Variants in COL24A1 observed in about 807,000 individuals in gnomAD.
The protein encoded by COL24A1 is collagen alpha-1(XXIV) chain.
COL24A1 carries 224 observed loss-of-function variants against 253.9 expected under a neutral mutation model. That is an observed-to-expected ratio of 0.88 (90% CI 0.79 to 0.99). COL24A1 has a LOEUF of 0.99. Among genes scored for constraint, COL24A1 ranks in the 50% least tolerant of loss-of-function variants. The pLI is 0.00. For missense variants in COL24A1, 2,131 were observed against 2,068.5 expected, an observed-to-expected ratio of 1.03 and a Z score of -0.59; for synonymous variants, 685 against 673.7, an observed-to-expected ratio of 1.02 and a Z score of -0.26.
intron 19 of COL24A1, among the ~76,000 whole-genome samples, chr1:86,012,276 G>A (rs1696568619): frequency 6.6e-6 from 1 of 152,034 alleles, no homozygotes; most frequent in Admixed American, 6.6e-5. Context: ...GCTTAGATAA[G>A]TAAAATAATC....
intron 12 of COL24A1, among the ~76,000 whole-genome samples, chr1:86,043,956 T>G (rs534968881): frequency 6.6e-6 from 1 of 152,344 alleles, no homozygotes; most frequent in East Asian, 1.9e-4. Context: ...TTCAAATGTA[T>G]AGGTGTCATC....
At chr1:85,828,241 A>T (rs1431402688) in intron 43 of COL24A1, among the ~76,000 whole-genome samples, 2 of 151,796 alleles carry the variant, frequency 1.3e-5, no homozygotes, top group Admixed American at 6.6e-5. Flanking sequence ...TTTGAGTGAG[A>T]TTCTTAATCC....
At chr1:85,879,955 AGTCAGT>A (rs1681635250) in intron 32 of COL24A1, among the ~76,000 whole-genome samples, 1 of 152,192 alleles carries the variant, frequency 6.6e-6, no homozygotes, top group South Asian at 2.1e-4. Flanking sequence ...TAAATCTTGA[AGTCAGT>A]GTCAGTTCTC....
At chr1:85,927,370 A>T (rs949182287) in intron 24 of COL24A1, among the ~76,000 whole-genome samples, 2 of 151,246 alleles carry the variant, frequency 1.3e-5, no homozygotes, top group Admixed American at 1.3e-4. Flanking sequence ...TGCGCTTTTC[A>T]GACCGGCTTA....
intron 24 of COL24A1, among the ~76,000 whole-genome samples, chr1:85,949,932 AAACT>A (rs1395825204): frequency 1.3e-5 from 2 of 152,062 alleles, no homozygotes; most frequent in African/African-American, 2.4e-5. Flanking sequence ...CAGTGGTATA[AAACT>A]AACTGTTATT....
chr1:86,036,469 A>G (rs1363033471), intron 12 of COL24A1, among the ~76,000 whole-genome samples: 2 of 152,162 alleles, frequency 1.3e-5, no homozygotes, highest in Admixed American at 6.6e-5. Context: ...CACAGTTAAT[A>G]CCACAAAGGC....
rs192927425 is a variant in COL24A1, at chr1:86,156,583, G to A, written c.-187C>T. Reference sequence around the variant, plus strand: ...CGGGAGGAGGTAGGAAATAGCACCCGAAGGGGAGGACAGGCTTCCTAGCTC... The same window carrying A: ...CGGGAGGAGGTAGGAAATAGCACCCAAAGGGGAGGACAGGCTTCCTAGCTC... On this transcript the variant is annotated 5_prime_UTR_variant, in exon 1 of 60. Coordinates refer to ENST00000370571, the MANE Select transcript of COL24A1 (RefSeq NM_152890.7). 4 of 458,818 alleles carry A rather than the reference G, an allele frequency of 8.7e-6. No individual in the cohort carries two copies. The highest frequency in any genetic ancestry group is 3.7e-4 in the Middle Eastern group (1 of 2,688). 28.4% of individuals were successfully genotyped at this position (458,818 alleles called of 1,614,324 possible).
rs932682871 is a variant in COL24A1, at chr1:85,960,865, C to A, written c.2562+384G>T. 3 of 181,492 alleles carry A rather than the reference C, an allele frequency of 1.7e-5. 1 individual carries two copies. The highest frequency in any genetic ancestry group is 2.5e-5 in the African/African-American group (1 of 40,814). The allele number at this position is 181,492 out of a possible 1,614,324, so 11.2% of individuals were successfully genotyped here. A position where few individuals can be genotyped will look rare whatever the true frequency, so the allele number is the denominator to read the frequency against. On this transcript the variant is annotated intron_variant, in intron 24 of 59. Coordinates refer to ENST00000370571, the MANE Select transcript of COL24A1 (RefSeq NM_152890.7). Reference sequence around the variant, plus strand: ...TGCCACTGTGCTCCAGCTTGGGTGACAGAGCAAGACTCCATCTCAATAAAT... The same window carrying A: ...TGCCACTGTGCTCCAGCTTGGGTGAAAGAGCAAGACTCCATCTCAATAAAT...
intron 53 of COL24A1, among the ~76,000 whole-genome samples, chr1:85,769,140 CTAATTCATTTACCAA>C (rs1382252727): frequency 6.6e-6 from 1 of 152,124 alleles, no homozygotes; most frequent in Non-Finnish European, 1.5e-5. Flanking sequence ...TCAATTTTGT[CTAATTCATTTACCAA>C]TAATTCATTA....
intron 20 of COL24A1, among the ~76,000 whole-genome samples, chr1:85,983,673 A>C (rs75295736): frequency 0.016 from 2,485 of 151,950 alleles, 59 homozygotes; most frequent in African/African-American, 0.057. Context: ...AAATGAAAGA[A>C]GTTTCAAGAT....
At chr1:85,952,731 T>C (rs1415982873) in intron 24 of COL24A1, among the ~76,000 whole-genome samples, 1 of 152,214 alleles carries the variant, frequency 6.6e-6, no homozygotes, top group Non-Finnish European at 1.5e-5. Context: ...ATGGCTGCTT[T>C]CATACTACAA....
rs920473745 is a variant in COL24A1, at chr1:86,125,529, G to A, written c.807C>T (p.Pro269=). 1 of 1,613,476 alleles carries A rather than the reference G, an allele frequency of 6.2e-7. No individual in the cohort carries two copies. The highest frequency in any genetic ancestry group is 1.7e-5 in the Admixed American group (1 of 59,860). The stretch of plus-strand genomic sequence containing the variant: ...CTTTTTCAGCAAATAGTTTGGGCGG[G>A]GGAGAGTGTTCCGGTATCTTTGTTG... ...LIPTKIPEHS[P]PPKLFAEKVL... is the part of the protein sequence containing the mutation. Residue 269 remains proline, a synonymous_variant, in exon 3 of 60, where the codon CCC becomes CCT. Coordinates refer to ENST00000370571, the MANE Select transcript of COL24A1 (RefSeq NM_152890.7).
Position 85,744,786 on chromosome 1 carries a change from A to G in COL24A1, c.4552T>C (p.Phe1518Leu), listed in dbSNP as rs776379085. 6 of 1,610,914 alleles carry G rather than the reference A, an allele frequency of 3.7e-6. No homozygotes were observed. The highest frequency in any genetic ancestry group is 5.1e-6 in the Non-Finnish European group (6 of 1,179,038). ...TTGCTAAGGTAGTTCAGGGTTTTGA[A>G]TATCTCTTCACTGTGGTCAATTAAA... Reference protein sequence around the residue: ...VTLIDHSEEIFKTLNYLSNLL... With the variant: ...VTLIDHSEEILKTLNYLSNLL... The change falls in exon 57 of 60, where the codon TTC (phenylalanine) becomes CTC (leucine). Residue 1518 changes from phenylalanine (F) to leucine (L), a missense_variant. By Grantham distance (22) the Phe-to-Leu change is conservative. Transcript: ENST00000370571.
intron 53 of COL24A1, among the ~76,000 whole-genome samples, chr1:85,772,777 T>A (rs564119998): frequency 6.6e-6 from 1 of 152,344 alleles, no homozygotes; most frequent in Admixed American, 6.5e-5. Flanking sequence ...TAGCCCTTTG[T>A]CAGATGGATA....
chr1:85,858,418 C>T (rs1678702492), intron 37 of COL24A1, among the ~76,000 whole-genome samples: 1 of 152,136 alleles, frequency 6.6e-6, no homozygotes, highest in African/African-American at 2.4e-5. Flanking sequence ...TTTAAAACCC[C>T]TTCTGCCTTA....
intron 43 of COL24A1, among the ~76,000 whole-genome samples, chr1:85,829,019 T>G (rs1318708644): frequency 1.3e-5 from 2 of 152,240 alleles, no homozygotes; most frequent in East Asian, 3.9e-4. Flanking sequence ...TTCCTAGTCT[T>G]GATGGTCTTT....
chr1:85,812,721 G>A (rs1672670312), intron 47 of COL24A1, among the ~76,000 whole-genome samples: 1 of 152,144 alleles, frequency 6.6e-6, no homozygotes, highest in South Asian at 2.1e-4. Flanking sequence ...CTATAGAGTA[G>A]GTTCTCAATA....
intron 47 of COL24A1, among the ~76,000 whole-genome samples, chr1:85,788,948 G>T (rs1225207774): frequency 6.6e-6 from 1 of 152,148 alleles, no homozygotes; most frequent in Non-Finnish European, 1.5e-5. Flanking sequence ...GTACCATGCT[G>T]CTTTGGTTAC....
intron 20 of COL24A1, among the ~76,000 whole-genome samples, chr1:85,974,047 A>AT (rs1280613690): frequency 6.6e-6 from 1 of 152,180 alleles, no homozygotes; most frequent in African/African-American, 2.4e-5. Context: ...AAAAACCATC[A>AT]TTTTTTGTGT....
Sources: gnomAD v4.1 joint callset for allele counts (sites outside exome capture counted in the v4.1 genomes callset) on GRCh38, gnomAD v4.1.1 for gene constraint, MANE v1.5 for transcripts, NCBI Gene and HGNC (gene_info 2026-07-23, HGNC 2026-07-21) for gene names.